Variants in RAB3IP observed in about 807,000 individuals in gnomAD.
RAB3IP encodes RAB3A interacting protein, also known as rab-3A-interacting protein.
RAB3IP carries 36 observed loss-of-function variants against 59.1 expected under a neutral mutation model. That is an observed-to-expected ratio of 0.61 (90% CI 0.47 to 0.80). The LOEUF (loss-of-function observed/expected upper bound fraction) is 0.80. Among genes scored for constraint, RAB3IP ranks in the 30% least tolerant of loss-of-function variants. The pLI, the probability that RAB3IP is intolerant of heterozygous loss-of-function variation, is 0.00. For synonymous variants in RAB3IP, 207 were observed against 191.2 expected, an observed-to-expected ratio of 1.08 and a Z score of -0.68; for missense variants, 511 against 536.0, an observed-to-expected ratio of 0.95 and a Z score of 0.46.
chr12:69,749,977 T>TTA (rs1204105535), intron 1 of RAB3IP, among the ~76,000 whole-genome samples: 3 of 152,220 alleles, frequency 2.0e-5, no homozygotes, highest in Non-Finnish European at 4.4e-5. Context: ...ATAGGGTTAA[T>TTA]GTTGCAGGCA....
At chr12:69,756,098 G>A (rs1327495929) in intron 2 of RAB3IP, among the ~76,000 whole-genome samples, 1 of 152,174 alleles carries the variant, frequency 6.6e-6, no homozygotes, top group African/African-American at 2.4e-5. Context: ...TTATAAAAAC[G>A]GGTGGAAGGC....
intron 10 of RAB3IP, among the ~76,000 whole-genome samples, chr12:69,813,379 A>G (rs1234522240): frequency 6.6e-6 from 1 of 152,206 alleles, no homozygotes; most frequent in African/African-American, 2.4e-5. Flanking sequence ...GATGAAAATG[A>G]GTAGGCCAGC....
chr12:69,740,033 T>C (rs959125005), intron 1 of RAB3IP, among the ~76,000 whole-genome samples: 2 of 152,190 alleles, frequency 1.3e-5, no homozygotes, highest in African/African-American at 4.8e-5. Flanking sequence ...TTGTAATCTC[T>C]TGCAGTGGAA....
chr12:69,805,133 G>A (rs1272781294), intron 8 of RAB3IP, among the ~76,000 whole-genome samples: 4 of 152,206 alleles, frequency 2.6e-5, no homozygotes, highest in African/African-American at 9.7e-5. Context: ...CATGAGCATT[G>A]AATGTTCTTC....
intron 3 of RAB3IP, among the ~76,000 whole-genome samples, chr12:69,775,312 G>T (rs1348376655): frequency 7.3e-6 from 1 of 137,298 alleles, no homozygotes; most frequent in Admixed American, 7.7e-5. Flanking sequence ...GAGATTTTGG[G>T]CTGAGACGAT....
intron 3 of RAB3IP, 126 bp from the exon 4 acceptor site, chr12:69,784,594 T>C (rs1602954): frequency 0.35 from 140,709 of 405,770 alleles, 25,203 homozygotes; most frequent in Non-Finnish European, 0.37. Context: ...ATAAATACTT[T>C]CAATGTGAAC....
intron 7 of RAB3IP, among the ~76,000 whole-genome samples, chr12:69,800,844 A>T (rs1173113665): frequency 2.0e-5 from 3 of 152,226 alleles, no homozygotes; most frequent in African/African-American, 7.2e-5. Context: ...TAAAGCTGTA[A>T]TTTTAATTTG....
chr12:69,756,416 C>T lies in RAB3IP; in HGVS notation c.263C>T (p.Thr88Ile), dbSNP rs1470467674. The change falls in exon 3 of 11, where the codon ACA (threonine) becomes ATA (isoleucine). Residue 88 changes from threonine (T) to isoleucine (I), a missense_variant. Physicochemically the swap from Thr to Ile is moderately conservative, Grantham distance 89. Transcript: ENST00000247833. ...AEISSISFHVTDPAPCSTSGV... is the reference protein window; with the variant it reads ...AEISSISFHVIDPAPCSTSGV... Reference sequence around the variant, plus strand: ...TCTCTCCTTTACAGCTTTCATGTTACAGACCCAGCCCCTTGCTCTACCTCT... The same window carrying T: ...TCTCTCCTTTACAGCTTTCATGTTATAGACCCAGCCCCTTGCTCTACCTCT... The T allele has an allele frequency of 1.1e-5, 18 of 1,613,698 alleles. No individual in the cohort carries two copies. Among genetic ancestry groups the T allele is most frequent in the Non-Finnish European group, 1.5e-5 (18 of 1,179,834 alleles).
chr12:69,758,780 T>TTTTTTA (rs1870665460), intron 3 of RAB3IP, among the ~76,000 whole-genome samples: 1 of 146,530 alleles, frequency 6.8e-6, no homozygotes, highest in Non-Finnish European at 1.5e-5. Flanking sequence ...TTTTTTTTTT[T>TTTTTTA]TACAAGTTTT....
At chr12:69,744,435 T>A (rs1184758676) in intron 1 of RAB3IP, among the ~76,000 whole-genome samples, 6 of 151,960 alleles carry the variant, frequency 3.9e-5, no homozygotes, top group Non-Finnish European at 8.8e-5. Context: ...TGAAGTGTTG[T>A]GGAATTAGGC....
rs1418858148 is a variant in RAB3IP at position 69,794,425 on chromosome 12, T to C, written c.607-12T>C. Reference sequence around the variant, plus strand: ...ACTTTGTTTCTAAAATTTGAGATGTTAACTTTTTCAGGAAGCTCATAAAAT... The same window carrying C: ...ACTTTGTTTCTAAAATTTGAGATGTCAACTTTTTCAGGAAGCTCATAAAAT... On this transcript the variant is annotated splice_polypyrimidine_tract_variant and intron_variant, in intron 4 of 10. Coordinates refer to ENST00000247833, the MANE Select transcript of RAB3IP (RefSeq NM_022456.5). 1 of 1,600,594 alleles carries C rather than the reference T, an allele frequency of 6.2e-7. No homozygotes were observed. The highest frequency in any genetic ancestry group is 8.5e-7 in the Non-Finnish European group (1 of 1,175,472).
chr12:69,739,060 C>G (rs1017800900), intron 1 of RAB3IP, 29 bp downstream of exon 1: 2 of 152,024 alleles, frequency 1.3e-5, no homozygotes, highest in African/African-American at 4.8e-5. Context: ...GGGAGAGGCC[C>G]GGAGCGTAGA....
In RAB3IP at chr12:69,792,031, A is replaced by G. The variant is rs144069015; in HGVS notation, c.607-2406A>G. 4.4e-3 allele frequency among the ~76,000 whole-genome samples: 677 copies of G among 152,334 alleles called. 5 individuals are homozygous for G. The highest frequency in any genetic ancestry group is 0.016 in the African/African-American group (655 of 41,576). ...AACAACATGAGCGAACCTGGAGGAC[A>G]TTTTGCTAAGTGAAATAAGCAAGAC... is the stretch of plus-strand genomic sequence containing the variant. On this transcript the variant is annotated intron_variant, in intron 4 of 10. Coordinates refer to ENST00000247833, the MANE Select transcript of RAB3IP (RefSeq NM_022456.5).
rs548723036 is a variant in RAB3IP at position 69,746,202 on chromosome 12, A to G, written c.-26+7171A>G. ...CCTTGGGAGTCATTTTTAAATGACT[A>G]CATTACAATACATCTATACTTTCTA... On this transcript the variant is annotated intron_variant, in intron 1 of 10. Coordinates refer to ENST00000247833, the MANE Select transcript of RAB3IP (RefSeq NM_022456.5). Among the ~76,000 whole-genome samples the G allele has an allele frequency of 8.5e-5, 13 of 152,320 alleles. No individual in the cohort carries two copies. The East Asian group carries it at 1.3e-3, about 16-fold the overall frequency.
At chr12:69,782,828 T>C (rs1874972756) in intron 3 of RAB3IP, among the ~76,000 whole-genome samples, 1 of 152,172 alleles carries the variant, frequency 6.6e-6, no homozygotes, top group Admixed American at 6.5e-5. Context: ...TTTTTTGTTT[T>C]TTTAATCTGA....
rs1394310730 is a variant in RAB3IP at position 69,801,696 on chromosome 12, T to G, written c.1105T>G (p.Ser369Ala). 8.7e-6 allele frequency: 14 copies of G among 1,612,584 alleles called. No individual in the cohort carries two copies. Among genetic ancestry groups the G allele is most frequent in the Non-Finnish European group, 1.2e-5 (14 of 1,178,960 alleles). Residue 369 changes from serine (S) to alanine (A), a missense_variant, in exon 8 of 11, where the codon TCT becomes GCT. By Grantham distance (99) the Ser-to-Ala change is moderately conservative. Coordinates refer to ENST00000247833, the MANE Select transcript of RAB3IP (RefSeq NM_022456.5). The stretch of plus-strand genomic sequence containing the variant: ...ACAACCTATCCGGTTTGTGAAAGCT[T>G]CTGCAGTTGAATGCGGAGGACCAAA... The part of the protein sequence containing the change: ...GLQPIRFVKA[S>A]AVECGGPKKC...
chr12:69,809,943 A>G (rs1235035787), intron 8 of RAB3IP, among the ~76,000 whole-genome samples: 2 of 152,098 alleles, frequency 1.3e-5, no homozygotes, highest in Non-Finnish European at 2.9e-5. Flanking sequence ...GCTGGTGAGG[A>G]GCTGCGTTCC....
intron 1 of RAB3IP, among the ~76,000 whole-genome samples, chr12:69,752,488 T>G (rs1342674675): frequency 6.6e-6 from 1 of 152,192 alleles, no homozygotes; most frequent in East Asian, 1.9e-4. Flanking sequence ...GGATGTACCC[T>G]GGTTCATTGA....
chr12:69,795,275 A>C lies in RAB3IP; in HGVS notation c.819A>C (p.Thr273=), dbSNP rs755033227. The change falls in exon 6 of 11, where the codon ACA becomes ACC. Residue 273 remains threonine, a synonymous_variant. Transcript: ENST00000247833. ...FKKGHTRNKS[T]SSAMSGSHQD... Reference sequence around the variant, plus strand: ...AGGGGCATACAAGAAATAAAAGCACAAGCAGTGCTATGAGTGGCAGTCATC... The same window carrying C: ...AGGGGCATACAAGAAATAAAAGCACCAGCAGTGCTATGAGTGGCAGTCATC... The C allele has an allele frequency of 6.8e-6, 11 of 1,614,088 alleles. No homozygotes were observed. The highest frequency in any genetic ancestry group is 6.8e-6 in the Non-Finnish European group (8 of 1,179,960).
Sources: gnomAD v4.1 joint callset for allele counts (sites outside exome capture counted in the v4.1 genomes callset) on GRCh38, gnomAD v4.1.1 for gene constraint, MANE v1.5 for transcripts, NCBI Gene and HGNC (gene_info 2026-07-23, HGNC 2026-07-21) for gene names.